The following RBFOX1 variants were observed in gnomAD, a reference collection of about 807,000 sequenced individuals.
The protein encoded by RBFOX1 is RNA binding protein fox-1 homolog 1.
In RBFOX1, 8 loss-of-function variants were observed where a neutral mutation model predicts 57.7. The ratio of observed to expected loss-of-function variants is 0.14; its 90% CI spans 0.08 to 0.25. The LOEUF is 0.25. Among genes scored for constraint, RBFOX1 ranks in the 10% least tolerant of loss-of-function variants. The pLI, the probability that RBFOX1 is intolerant of heterozygous loss-of-function variation, is 1.00. For synonymous variants in RBFOX1, 326 were observed against 222.4 expected (o/e 1.47, Z -4.15); for missense variants, 611 against 548.5 (o/e 1.11, Z -1.14).
chr16:7,186,491 T>C (rs1426564507), intron 4 of RBFOX1, among the ~76,000 whole-genome samples: 4 of 130,882 alleles, frequency 3.1e-5, no homozygotes, highest in Non-Finnish European at 4.7e-5. Context: ...CATAAACATA[T>C]TTATATAAAT....
rs149632939 is a variant in RBFOX1 at position 6,485,469 on chromosome 16, G to T, written c.-64+168412G>T. ...TCTTTACTGTTTTACCTGGTGCACAGAAACCTTTTAGGTATCTTTGCTACA... is the reference window on the plus strand; with the variant it reads ...TCTTTACTGTTTTACCTGGTGCACATAAACCTTTTAGGTATCTTTGCTACA... On this transcript the variant is annotated intron_variant, in intron 2 of 15. Transcript: ENST00000550418. Among the ~76,000 whole-genome samples the T allele has an allele frequency of 1.3e-4, 20 of 151,992 alleles. No homozygotes were observed. The East Asian group carries it at 2.1e-3, about 16-fold the overall frequency.
At chr16:5,537,637 G>T (rs959327397) in intron 2 of RBFOX1, among the ~76,000 whole-genome samples, 1 of 152,186 alleles carries the variant, frequency 6.6e-6, no homozygotes, top group Non-Finnish European at 1.5e-5. Flanking sequence ...GCCTGGAGTA[G>T]CCATTATAGT....
At chr16:7,456,277 A>T (rs1301535221) in intron 4 of RBFOX1, among the ~76,000 whole-genome samples, 4 of 152,160 alleles carry the variant, frequency 2.6e-5, no homozygotes, top group Non-Finnish European at 5.9e-5. Flanking sequence ...ACCCCCCCTT[A>T]TACAAATACA....
chr16:6,547,536 G>C (rs764045073), intron 2 of RBFOX1, among the ~76,000 whole-genome samples: 1 of 152,068 alleles, frequency 6.6e-6, no homozygotes, highest in Non-Finnish European at 1.5e-5. Context: ...TTGTTATTGA[G>C]ATATTCATGA....
rs182880210 is a variant in RBFOX1 at position 6,495,300 on chromosome 16, G to C, written c.-63-159303G>C. Reference sequence around the variant, plus strand: ...TGCCTGGCTAATTTTTGTATTCTTAGTAGAGATGGGGTTTCACCATGTTTT... The same window carrying C: ...TGCCTGGCTAATTTTTGTATTCTTACTAGAGATGGGGTTTCACCATGTTTT... On this transcript the variant is annotated intron_variant, in intron 2 of 15. Transcript: ENST00000550418. Among the ~76,000 whole-genome samples, 351 of 152,230 alleles carry C rather than the reference G, an allele frequency of 2.3e-3. 3 individuals are homozygous for C. Among genetic ancestry groups the C allele is most frequent in the African/African-American group, 7.7e-3 (318 of 41,538 alleles).
intron 4 of RBFOX1, among the ~76,000 whole-genome samples, chr16:5,888,517 C>T (rs558333092): frequency 5.3e-5 from 8 of 152,154 alleles, no homozygotes; most frequent in African/African-American, 1.2e-4. Flanking sequence ...TTGTTGAGGC[C>T]GGGCGCAGTG....
At chr16:5,866,028 C>T (rs564280853) in intron 3 of RBFOX1, among the ~76,000 whole-genome samples, 15 of 152,154 alleles carry the variant, frequency 9.9e-5, no homozygotes, top group Admixed American at 7.8e-4. Context: ...AGTGCAATGG[C>T]GCAATCTCAG....
At chr16:5,846,189 A>G (rs1022209366) in intron 3 of RBFOX1, among the ~76,000 whole-genome samples, 3 of 152,052 alleles carry the variant, frequency 2.0e-5, no homozygotes, top group African/African-American at 2.4e-5. Context: ...CTTAAAAAAA[A>G]AAAAAAAAGA....
rs116859463 is a variant in RBFOX1 at position 7,183,877 on chromosome 16, C to T, written c.27+131779C>T. 1.8e-4 allele frequency among the ~76,000 whole-genome samples: 27 copies of T among 152,220 alleles called. No individual in the cohort carries two copies. In the East Asian group the frequency reaches 5.0e-3, roughly 28 times the overall value. On this transcript the variant is annotated intron_variant, in intron 4 of 15. Coordinates refer to ENST00000550418, the MANE Select transcript of RBFOX1 (RefSeq NM_018723.4). ...TCAGGTCTCTGCCCTCATGGAACCA[C>T]CATTCTAATTGAGGGAGTAGTTTAA...
intron 3 of RBFOX1, among the ~76,000 whole-genome samples, chr16:6,928,493 T>A (rs1407210475): frequency 6.6e-6 from 1 of 152,150 alleles, no homozygotes; most frequent in Non-Finnish European, 1.5e-5. Flanking sequence ...ATAAGACTGC[T>A]TTCATGCGTT....
chr16:5,953,812 C>A (rs1355379458), intron 4 of RBFOX1, among the ~76,000 whole-genome samples: 1 of 151,868 alleles, frequency 6.6e-6, no homozygotes, highest in African/African-American at 2.4e-5. Flanking sequence ...CTGCTGTAAA[C>A]CTGCGTGTGC....
chr16:7,430,943 T>A (rs1330831034), intron 4 of RBFOX1, among the ~76,000 whole-genome samples: 3 of 152,212 alleles, frequency 2.0e-5, no homozygotes, highest in African/African-American at 7.2e-5. Flanking sequence ...TGTTTGCTAG[T>A]TTCTTAGACT....
intron 3 of RBFOX1, among the ~76,000 whole-genome samples, chr16:6,834,127 T>C (rs35092698): frequency 0.16 from 24,373 of 151,958 alleles, 2,017 homozygotes; most frequent in Non-Finnish European, 0.17. Context: ...TGCAGTGGTG[T>C]GATCTCATCC....
intron 5 of RBFOX1, among the ~76,000 whole-genome samples, chr16:7,548,258 G>A (rs944965851): frequency 1.3e-5 from 2 of 152,128 alleles, no homozygotes; most frequent in African/African-American, 4.8e-5. Flanking sequence ...TGCAATCTCT[G>A]ACTCCTGGGT....
chr16:7,576,187 G>A (rs1321389323), intron 5 of RBFOX1, among the ~76,000 whole-genome samples: 1 of 151,818 alleles, frequency 6.6e-6, no homozygotes, highest in East Asian at 1.9e-4. Context: ...GCCTGCCAAA[G>A]TGCTGGGATT....
At chr16:6,549,737 T>G (rs1027033888) in intron 2 of RBFOX1, among the ~76,000 whole-genome samples, 3 of 151,768 alleles carry the variant, frequency 2.0e-5, no homozygotes, top group Non-Finnish European at 4.4e-5. Flanking sequence ...CAGAGTAAGG[T>G]AAGAATGAGG....
intron 2 of RBFOX1, among the ~76,000 whole-genome samples, chr16:6,617,843 G>C (rs181361518): frequency 4.1e-4 from 62 of 152,290 alleles, no homozygotes; most frequent in African/African-American, 1.4e-3. Context: ...CCTTGAGGAA[G>C]TGATGTGAGT....
intron 3 of RBFOX1, among the ~76,000 whole-genome samples, chr16:6,882,819 C>T (rs1046941606): frequency 2.6e-5 from 4 of 152,048 alleles, no homozygotes; most frequent in Non-Finnish European, 2.9e-5. Context: ...TTCTCTGTTT[C>T]TTTGCCCCTT....
chr16:5,436,030 G>T (rs1188173631), intron 1 of RBFOX1, among the ~76,000 whole-genome samples: 1 of 152,212 alleles, frequency 6.6e-6, no homozygotes, highest in African/African-American at 2.4e-5. Context: ...AAAGATTGAA[G>T]TCTAAGGTGA....
Sources: gnomAD v4.1 joint callset for allele counts (sites outside exome capture counted in the v4.1 genomes callset) on GRCh38, gnomAD v4.1.1 for gene constraint, MANE v1.5 for transcripts, NCBI Gene and HGNC (gene_info 2026-07-23, HGNC 2026-07-21) for gene names.